GPC6: variants seen among roughly 807,000 people sequenced by gnomAD.
GPC6 encodes the protein glypican 6, also known as glypican-6.
Under a neutral mutation model 55.2 loss-of-function variants are expected in GPC6, and 14 were observed. The ratio of observed to expected loss-of-function variants is 0.25; its 90% CI spans 0.17 to 0.40. The LOEUF is 0.40. Ranked by LOEUF, GPC6 falls within the 10% of genes least tolerant of loss-of-function variation. The pLI is 1.00. For synonymous variants in GPC6, 278 were observed against 259.6 expected (o/e 1.07, Z -0.68); for missense variants, 641 against 708.5 (o/e 0.90, Z 1.08).
chr13:93,543,149 T>A (rs1566414198), intron 1 of GPC6, among the ~76,000 whole-genome samples: 1 of 152,122 alleles, frequency 6.6e-6, no homozygotes, highest in Non-Finnish European at 1.5e-5. Context: ...CATATGATAT[T>A]GGCTGTGGGT....
intron 4 of GPC6, among the ~76,000 whole-genome samples, chr13:94,137,955 C>T (rs952893042): frequency 1.3e-5 from 2 of 152,132 alleles, no homozygotes; most frequent in African/African-American, 4.8e-5. Context: ...CCCTGGACAA[C>T]ATTTTGAGAA....
chr13:93,759,692 T>C (rs1178804151), intron 2 of GPC6, among the ~76,000 whole-genome samples: 1 of 152,148 alleles, frequency 6.6e-6, no homozygotes, highest in Non-Finnish European at 1.5e-5. Context: ...TTTTCAGAAT[T>C]TCCTCCTATT....
At chr13:93,675,278 T>C (rs892406448) in intron 2 of GPC6, among the ~76,000 whole-genome samples, 3 of 152,116 alleles carry the variant, frequency 2.0e-5, no homozygotes, top group Non-Finnish European at 4.4e-5. Context: ...TGTTTGGATT[T>C]GAGGAGGAAT....
chr13:93,756,125 T>C (rs1884760362), intron 2 of GPC6, among the ~76,000 whole-genome samples: 2 of 152,194 alleles, frequency 1.3e-5, no homozygotes, highest in African/African-American at 2.4e-5. Context: ...TGCAGCAGTG[T>C]CCATGAGAAT....
At chr13:93,676,911 G>T (rs1881655099) in intron 2 of GPC6, among the ~76,000 whole-genome samples, 1 of 151,918 alleles carries the variant, frequency 6.6e-6, no homozygotes, top group East Asian at 1.9e-4. Flanking sequence ...ATGAAGCGAG[G>T]TACTGTAGAT....
At position 93,756,991 on chromosome 13, in the gene GPC6, C is replaced by T. The variant is rs1287533389; in HGVS notation, c.320-73163C>T. ...AATATACTCTAATTGCTCTGTGGCA[C>T]ATTTTACATCGCAAAGATTCTACTT... is the stretch of plus-strand genomic sequence containing the variant. On this transcript the variant is annotated intron_variant, in intron 2 of 8. Transcript: ENST00000377047. Among the ~76,000 whole-genome samples, 6 of 152,286 alleles carry T rather than the reference C, an allele frequency of 3.9e-5. No individual in the cohort carries two copies. In the East Asian group the frequency reaches 1.2e-3, roughly 29 times the overall value.
intron 2 of GPC6, among the ~76,000 whole-genome samples, chr13:93,764,077 C>T (rs949473573): frequency 1.3e-5 from 2 of 152,018 alleles, no homozygotes; most frequent in Non-Finnish European, 2.9e-5. Flanking sequence ...GCACCTAAAG[C>T]CCAACTATCC....
At position 94,027,245 on chromosome 13, in the gene GPC6, T is replaced by C. The variant is rs529210718; in HGVS notation, c.712-484T>C. ...CAAAGATGGTACCTTGGCAGTTCCA[T>C]TGCTTCTAAGCAGGCCTGGATCTTA... On this transcript the variant is annotated intron_variant, in intron 3 of 8. Coordinates refer to ENST00000377047, the MANE Select transcript of GPC6 (RefSeq NM_005708.5). Among the ~76,000 whole-genome samples, 167 of 152,290 alleles carry C rather than the reference T, an allele frequency of 1.1e-3. 2 individuals carry two copies. The highest frequency in any genetic ancestry group is 3.8e-3 in the African/African-American group (159 of 41,558).
At chr13:94,305,749 T>A (rs1875909598) in intron 5 of GPC6, among the ~76,000 whole-genome samples, 1 of 152,250 alleles carries the variant, frequency 6.6e-6, no homozygotes, top group South Asian at 2.1e-4. Flanking sequence ...TAAGATTGAC[T>A]GTGTATGCTG....
chr13:94,100,352 G>A (rs1394130931), intron 4 of GPC6, among the ~76,000 whole-genome samples: 6 of 152,072 alleles, frequency 3.9e-5, no homozygotes, highest in Non-Finnish European at 8.8e-5. Context: ...ACATTTCAGT[G>A]TTTAATACAT....
rs149819886 is a variant in GPC6 at position 93,304,983 on chromosome 13, T to G, written c.160+77367T>G. Among the ~76,000 whole-genome samples, 415 of 152,276 alleles carry G rather than the reference T, an allele frequency of 2.7e-3. 2 individuals are homozygous for G. Among genetic ancestry groups the G allele is most frequent in the African/African-American group, 9.5e-3 (394 of 41,566 alleles). ...TATTCTATCCTCCAGCCTTCATTCC[T>G]CAACTTCAGATTCTTGAAATCCACA... On this transcript the variant is annotated intron_variant, in intron 1 of 8. Coordinates refer to ENST00000377047, the MANE Select transcript of GPC6 (RefSeq NM_005708.5).
At chr13:93,872,836 T>G (rs1889169286) in intron 3 of GPC6, among the ~76,000 whole-genome samples, 1 of 151,908 alleles carries the variant, frequency 6.6e-6, no homozygotes, top group Admixed American at 6.6e-5. Context: ...AAATGATTTG[T>G]GTTTGTTTCC....
At chr13:93,723,131 A>G (rs1883507129) in intron 2 of GPC6, among the ~76,000 whole-genome samples, 1 of 152,118 alleles carries the variant, frequency 6.6e-6, no homozygotes, top group South Asian at 2.1e-4. Flanking sequence ...TACTTTCTTA[A>G]TATAAGGATG....
At chr13:94,128,445 C>T (rs1435592420) in intron 4 of GPC6, among the ~76,000 whole-genome samples, 9 of 152,122 alleles carry the variant, frequency 5.9e-5, no homozygotes, top group Non-Finnish European at 1.2e-4. Flanking sequence ...AATGCAGTTT[C>T]TTTTCTTTCT....
In GPC6 at chr13:93,830,339, C is replaced by G. The variant is rs1887435367; in HGVS notation, c.505C>G (p.Leu169Val). The G allele has an allele frequency of 1.2e-6, 2 of 1,613,858 alleles. No homozygotes were observed. Among genetic ancestry groups the G allele is most frequent in the South Asian group, 2.2e-5 (2 of 91,090 alleles). Residue 169 changes from leucine to valine, a missense_variant, in exon 3 of 9, where the codon CTG becomes GTG. By Grantham distance (32) the Leu-to-Val change is conservative (BLOSUM62 1). Transcript: ENST00000377047. ...EMLNDFWARL[L>V]ERMFQLINPQ... ...GCTCAATGACTTTTGGGCTCGGCTC[C>G]TGGAACGGATGTTTCAGCTGATAAA...
chr13:93,902,332 A>G (rs544885650), intron 3 of GPC6, among the ~76,000 whole-genome samples: 1 of 152,058 alleles, frequency 6.6e-6, no homozygotes, highest in African/African-American at 2.4e-5. Context: ...ACTTTATTTC[A>G]TTTACCATAA....
chr13:93,851,515 G>T (rs918116229), intron 3 of GPC6, among the ~76,000 whole-genome samples: 1 of 151,814 alleles, frequency 6.6e-6, no homozygotes, highest in Admixed American at 6.6e-5. Flanking sequence ...GAGTGTTCAG[G>T]AATCAAGATT....
At chr13:93,881,480 A>G (rs1874971432) in intron 3 of GPC6, among the ~76,000 whole-genome samples, 1 of 152,218 alleles carries the variant, frequency 6.6e-6, no homozygotes, top group East Asian at 1.9e-4. Context: ...GGGCCAATGT[A>G]GGCCTAAAAA....
At chr13:93,414,406 T>C (rs9589731) in intron 1 of GPC6, among the ~76,000 whole-genome samples, 2 of 152,162 alleles carry the variant, frequency 1.3e-5, no homozygotes, top group African/African-American at 2.4e-5. Context: ...CTTTTCATTG[T>C]AAATGTTTGT....
Sources: allele counts gnomAD v4.1 joint callset (sites outside exome capture counted in the v4.1 genomes callset), GRCh38; gene constraint gnomAD v4.1.1; transcripts MANE v1.5; gene names NCBI Gene and HGNC (gene_info 2026-07-23, HGNC 2026-07-21).